The following TANC2 variants were observed in gnomAD, a reference collection of about 807,000 sequenced individuals.
TANC2 encodes protein TANC2.
A neutral mutation model predicts 210.5 loss-of-function variants in TANC2; 26 were observed. The ratio of observed to expected loss-of-function variants is 0.12; its 90% CI spans 0.09 to 0.17. TANC2 has a LOEUF of 0.17. Among genes scored for constraint, TANC2 ranks in the 10% least tolerant of loss-of-function variants. The pLI is 1.00. For synonymous variants in TANC2, 931 were observed against 967.1 expected, an observed-to-expected ratio of 0.96 and a Z score of 0.69; for missense variants, 2,129 against 2,608.9, an observed-to-expected ratio of 0.82 and a Z score of 4.01.
intron 4 of TANC2, among the ~76,000 whole-genome samples, chr17:63,115,508 A>C (rs1054548041): frequency 6.6e-6 from 1 of 152,182 alleles, no homozygotes; most frequent in South Asian, 2.1e-4. Flanking sequence ...GCTAGTCCGC[A>C]GTATCTGTAT....
chr17:63,142,341 C>T (rs952520621), intron 4 of TANC2, among the ~76,000 whole-genome samples: 4 of 151,996 alleles, frequency 2.6e-5, no homozygotes, highest in Non-Finnish European at 5.9e-5. Flanking sequence ...TTGTGTCTTT[C>T]TGTGAATTTG....
rs1281856359 is a variant in TANC2, at chr17:62,966,267, G to C, written c.-506G>C. On this transcript the variant is annotated 5_prime_UTR_variant, in exon 1 of 28. Coordinates refer to ENST00000689528, the Ensembl canonical transcript of TANC2. This position sits in a 1 kb window ranked among gnomAD's most constrained non-coding sequence, Gnocchi z 5.1. ...CTAGCGAGCGGCCGGCGGGGCGCGG[G>C]TTGCTGGGCGCGCTGCTCCGGCGGG... Among the ~76,000 whole-genome samples the C allele has an allele frequency of 2.1e-5, 3 of 146,148 alleles. No individual in the cohort carries two copies. Among genetic ancestry groups the C allele is most frequent in the Non-Finnish European group, 4.6e-5 (3 of 65,780 alleles).
intron 7 of TANC2, among the ~76,000 whole-genome samples, chr17:63,204,385 C>G (rs1207735325): frequency 6.6e-6 from 1 of 152,038 alleles, no homozygotes; most frequent in Non-Finnish European, 1.5e-5. Flanking sequence ...GGAAGACTTG[C>G]TATTGTTAAG....
Position 63,388,497 on chromosome 17 carries a change from T to C in TANC2, c.2692-138T>C, listed in dbSNP as rs899923013. Reference sequence around the variant, plus strand: ...CTGGTCTTTGTCCCCCCACCTAGGCTTTGCTTGGCATGAACATTGTTAGGG... The same window carrying C: ...CTGGTCTTTGTCCCCCCACCTAGGCCTTGCTTGGCATGAACATTGTTAGGG... On this transcript the variant is annotated intron_variant, in intron 15 of 27. Coordinates refer to ENST00000689528, the Ensembl canonical transcript of TANC2. 3.9e-5 allele frequency: 32 copies of C among 831,002 alleles called. No homozygotes were observed. In the African/African-American group the frequency reaches 5.5e-4, roughly 14 times the overall value. 51.5% of individuals were successfully genotyped at this position (831,002 alleles called of 1,614,324 possible).
chr17:63,225,038 GCATCTTCTATCTCCCT>G (rs2042293605), intron 7 of TANC2, among the ~76,000 whole-genome samples: 1 of 151,632 alleles, frequency 6.6e-6, no homozygotes, highest in African/African-American at 2.4e-5. Context: ...AAGTCTTTTT[GCATCTTCTATCTCCCT>G]CTACCCTTCA....
At chr17:63,059,582 T>C (rs1008214786) in intron 2 of TANC2, among the ~76,000 whole-genome samples, 1 of 152,176 alleles carries the variant, frequency 6.6e-6, no homozygotes, top group East Asian at 1.9e-4. Context: ...TGGCTATTAG[T>C]AATATAGGTA....
At chr17:63,027,324 A>G (rs2034592789) in intron 2 of TANC2, among the ~76,000 whole-genome samples, 1 of 152,142 alleles carries the variant, frequency 6.6e-6, no homozygotes, top group African/African-American at 2.4e-5. Context: ...AGAAATATTG[A>G]GTAATAGACT....
chr17:63,370,662 A>G (rs959087183), intron 14 of TANC2, among the ~76,000 whole-genome samples: 4 of 152,242 alleles, frequency 2.6e-5, no homozygotes, highest in Non-Finnish European at 5.9e-5. Flanking sequence ...CAAAGGCACC[A>G]CATGTTTTGG....
chr17:63,390,147 T>C (rs1418105755), intron 17 of TANC2: 1 of 152,522 alleles, frequency 6.6e-6, no homozygotes, highest in Non-Finnish European at 1.5e-5. Flanking sequence ...AAAAACTCGA[T>C]TTCACAATAT....
At chr17:63,024,740 A>G (rs1288057164) in intron 2 of TANC2, among the ~76,000 whole-genome samples, 1 of 152,230 alleles carries the variant, frequency 6.6e-6, no homozygotes, top group Non-Finnish European at 1.5e-5. Context: ...GAGACTTTAT[A>G]GGTGAGATAT....
chr17:63,172,023 A>G (rs1034557591), intron 5 of TANC2, among the ~76,000 whole-genome samples: 1 of 152,096 alleles, frequency 6.6e-6, no homozygotes, highest in African/African-American at 2.4e-5. Flanking sequence ...TCTTGGTTAA[A>G]ATTTATTCTA....
intron 8 of TANC2, among the ~76,000 whole-genome samples, chr17:63,252,478 T>A (rs2043078839): frequency 6.6e-6 from 1 of 152,132 alleles, no homozygotes. Context: ...AAATACTAGA[T>A]CTTATTCATT....
At chr17:63,239,987 A>C (rs1293444815) in intron 8 of TANC2, among the ~76,000 whole-genome samples, 1 of 152,170 alleles carries the variant, frequency 6.6e-6, no homozygotes, top group Non-Finnish European at 1.5e-5. Context: ...TATTACAAGA[A>C]CAGCAAGGGG....
chr17:63,356,607 CA>C (rs1227608262), intron 14 of TANC2, among the ~76,000 whole-genome samples: 2 of 152,146 alleles, frequency 1.3e-5, no homozygotes, highest in African/African-American at 4.8e-5. Flanking sequence ...TTAAGCCAGG[CA>C]ATAGACTTTG....
intron 17 of TANC2, chr17:63,390,101 C>G (rs1420514236): frequency 6.6e-6 from 1 of 152,590 alleles, no homozygotes; most frequent in Non-Finnish European, 1.5e-5. Flanking sequence ...GATCAGTTCT[C>G]TGAAAATATT....
chr17:63,152,573 G>A (rs2039690554), intron 5 of TANC2: 1 of 152,096 alleles, frequency 6.6e-6, no homozygotes, highest in African/African-American at 2.4e-5. Context: ...AAGGAACAAA[G>A]TAGTTCTTTA....
intron 2 of TANC2, among the ~76,000 whole-genome samples, chr17:63,025,236 A>G (rs778536509): frequency 5.3e-5 from 8 of 152,098 alleles, no homozygotes; most frequent in Admixed American, 1.3e-4. Flanking sequence ...GGTCTCAATC[A>G]TTTTAACCTG....
At chr17:63,380,335 A>T (rs1348596408) in intron 15 of TANC2, among the ~76,000 whole-genome samples, 2 of 152,314 alleles carry the variant, frequency 1.3e-5, no homozygotes, top group East Asian at 3.9e-4. Flanking sequence ...GAAAACCTTT[A>T]AGAACTCTAT....
At chr17:63,292,725 C>G (rs995679305) in intron 9 of TANC2, among the ~76,000 whole-genome samples, 1 of 152,100 alleles carries the variant, frequency 6.6e-6, no homozygotes, top group Non-Finnish European at 1.5e-5. Context: ...CACTGGATGT[C>G]TCTGTTGGCT....
Sources: gnomAD v4.1 joint callset for allele counts (sites outside exome capture counted in the v4.1 genomes callset) on GRCh38, gnomAD v4.1.1 for gene constraint, Gnocchi (gnomAD v3.1) non-coding constraint, MANE v1.5 for transcripts, NCBI Gene and HGNC (gene_info 2026-07-23, HGNC 2026-07-21) for gene names.